The following ABCB4 variants were observed in gnomAD, a reference collection of about 807,000 sequenced individuals.
The protein encoded by ABCB4 is phosphatidylcholine translocator ABCB4.
Under a neutral mutation model 145.7 loss-of-function variants are expected in ABCB4, and 76 were observed. The ratio of observed to expected loss-of-function variants is 0.52; its 90% CI spans 0.43 to 0.63. The LOEUF is 0.63. ABCB4 is among the 30% of genes least tolerant of loss of function. The pLI, the probability that ABCB4 is intolerant of heterozygous loss-of-function variation, is 0.00. For synonymous variants in ABCB4, 517 were observed against 566.8 expected (o/e 0.91, Z 1.25); for missense variants, 1,234 against 1,553.1 (o/e 0.79, Z 3.45).
intron 4 of ABCB4, among the ~76,000 whole-genome samples, chr7:87,461,662 GAATA>G (rs767419930): frequency 1.4e-4 from 22 of 152,012 alleles, no homozygotes; most frequent in Non-Finnish European, 2.2e-4. Context: ...TATTACTTGA[GAATA>G]AATAAATAAA....
rs1809301019 is a variant in ABCB4 at position 87,419,997 on chromosome 7, C to T, written c.2394+1G>A. The stretch of plus-strand genomic sequence containing the variant: ...AGGCATTCTCCAGCGCACACTCCTA[C>T]CTGTCTTAGCATTGCTTTAAAAGCC... On this transcript the variant is annotated splice_donor_variant, in intron 19 of 27. Transcript: ENST00000649586. LOFTEE classifies it high-confidence loss of function. The T allele has an allele frequency of 3.7e-6, 6 of 1,613,784 alleles. No homozygotes were observed. The highest frequency in any genetic ancestry group is 5.1e-6 in the Non-Finnish European group (6 of 1,179,816).
chr7:87,421,202 G>C (rs1809392750), intron 18 of ABCB4, among the ~76,000 whole-genome samples: 1 of 152,168 alleles, frequency 6.6e-6, no homozygotes, highest in East Asian at 1.9e-4. Flanking sequence ...TGTTGGGGTA[G>C]CCGTGCCGAG....
chr7:87,411,570 A>G (rs979241005), intron 23 of ABCB4, among the ~76,000 whole-genome samples: 1 of 152,192 alleles, frequency 6.6e-6, no homozygotes, highest in Non-Finnish European at 1.5e-5. Context: ...GTCCATGGTC[A>G]CCAGCAACTT....
At position 87,443,185 on chromosome 7, in the gene ABCB4, C is replaced by T; in HGVS notation, c.1356+134G>A. On this transcript the variant is annotated intron_variant, in intron 12 of 27. Coordinates refer to ENST00000649586, the MANE Select transcript of ABCB4 (RefSeq NM_000443.4). ...CAGCCCAAGGGTGTGAAGGCATTAT[C>T]CATCGGCATTGCCATTTTGTAGGCT... 7.2e-6 allele frequency: 8 copies of T among 1,104,960 alleles called. No individual in the cohort carries two copies. The South Asian group carries it at 8.8e-5, about 12-fold the overall frequency. The allele number at this position is 1,104,960 out of a possible 1,614,324, so 68.4% of individuals were successfully genotyped here.
intron 9 of ABCB4, among the ~76,000 whole-genome samples, chr7:87,446,120 C>T (rs1375594957): frequency 6.6e-6 from 1 of 152,138 alleles, no homozygotes; most frequent in Non-Finnish European, 1.5e-5. Context: ...TGAGGGCTCA[C>T]CAAGTCGAAC....
At chr7:87,450,614 G>A (rs1046321563) in intron 7 of ABCB4, among the ~76,000 whole-genome samples, 2 of 151,850 alleles carry the variant, frequency 1.3e-5, no homozygotes, top group Non-Finnish European at 2.9e-5. Context: ...GGGACTACAA[G>A]TGCACACCAC....
intron 2 of ABCB4, among the ~76,000 whole-genome samples, chr7:87,474,399 G>A (rs956508877): frequency 1.1e-4 from 17 of 152,130 alleles, no homozygotes; most frequent in East Asian, 7.7e-4. Context: ...AAATACAATG[G>A]TGCTTAGAAG....
chr7:87,380,618 T>C, the ABCB4 span, among the ~76,000 whole-genome samples: 1 of 152,142 alleles, frequency 6.6e-6, no homozygotes, highest in African/African-American at 2.4e-5. Flanking sequence ...AAGGTAAAAA[T>C]TATGTGAACA....
chr7:87,413,173 T>C (rs1469013457), intron 22 of ABCB4, among the ~76,000 whole-genome samples: 2 of 152,224 alleles, frequency 1.3e-5, no homozygotes, highest in Non-Finnish European at 2.9e-5. Flanking sequence ...TTCTTTATCT[T>C]CAGAGTAGGT....
chr7:87,432,376 G>A (rs45596735), intron 14 of ABCB4, among the ~76,000 whole-genome samples: 6,148 of 152,260 alleles, frequency 0.04, 406 homozygotes, highest in African/African-American at 0.14. Flanking sequence ...ACATCATTAG[G>A]ATGGTTATTA....
chr7:87,428,029 G>A (rs1475718903), intron 15 of ABCB4, among the ~76,000 whole-genome samples: 1 of 151,888 alleles, frequency 6.6e-6, no homozygotes, highest in East Asian at 1.9e-4. Context: ...CCCACTACCT[G>A]CCCAAGCCTG....
At chr7:87,459,290 A>G (rs1812299742) in intron 4 of ABCB4, among the ~76,000 whole-genome samples, 1 of 152,192 alleles carries the variant, frequency 6.6e-6, no homozygotes, top group Admixed American at 6.5e-5. Context: ...CCCATTAAAC[A>G]ACAGCTCCCC....
intron 14 of ABCB4, among the ~76,000 whole-genome samples, chr7:87,436,323 A>G (rs1385881174): frequency 7.4e-6 from 1 of 135,884 alleles, no homozygotes; most frequent in Non-Finnish European, 1.6e-5. Context: ...TTTCAGCTAC[A>G]AAAAAAAAAA....
intron 15 of ABCB4, among the ~76,000 whole-genome samples, chr7:87,430,528 CT>C (rs1810143478): frequency 6.6e-6 from 1 of 152,010 alleles, no homozygotes; most frequent in African/African-American, 2.4e-5. Context: ...GTGCTCTTTT[CT>C]TTCTTTTTTC....
chr7:87,445,980 G>A (rs1037054119), intron 9 of ABCB4, among the ~76,000 whole-genome samples: 3 of 152,174 alleles, frequency 2.0e-5, no homozygotes, highest in Non-Finnish European at 4.4e-5. Flanking sequence ...AAGGTGAACG[G>A]TTGTCAGGAT....
At chr7:87,428,618 GA>G (rs1032088788) in intron 15 of ABCB4, among the ~76,000 whole-genome samples, 2 of 152,184 alleles carry the variant, frequency 1.3e-5, no homozygotes, top group African/African-American at 4.8e-5. Flanking sequence ...CGCAAGAGAA[GA>G]GTGTATTTTC....
At chr7:87,395,586 C>A in the ABCB4 span, among the ~76,000 whole-genome samples, 1 of 152,134 alleles carries the variant, frequency 6.6e-6, no homozygotes, top group Non-Finnish European at 1.5e-5. Flanking sequence ...AACTTTGAGC[C>A]TTGAAGGGAA....
intron 15 of ABCB4, among the ~76,000 whole-genome samples, chr7:87,428,516 T>C (rs894522191): frequency 6.6e-6 from 1 of 152,106 alleles, no homozygotes. Flanking sequence ...GACAACCTAA[T>C]TACATACATT....
chr7:87,366,240 GA>G, the ABCB4 span, among the ~76,000 whole-genome samples: 2 of 149,816 alleles, frequency 1.3e-5, no homozygotes, highest in East Asian at 1.9e-4. Context: ...TCGCAAGGGG[GA>G]ATTTTTTTTT....
Sources: gnomAD v4.1 joint callset for allele counts (sites outside exome capture counted in the v4.1 genomes callset) on GRCh38, gnomAD v4.1.1 for gene constraint, MANE v1.5 for transcripts, NCBI Gene and HGNC (gene_info 2026-07-23, HGNC 2026-07-21) for gene names.